TENM3: variants seen among roughly 807,000 people sequenced by gnomAD.
The protein encoded by TENM3 is teneurin transmembrane protein 3, also known as teneurin-3.
In TENM3, 63 loss-of-function variants were observed where a neutral mutation model predicts 255.1. That is an observed-to-expected ratio of 0.25 (90% confidence interval 0.20 to 0.30). The LOEUF (loss-of-function observed/expected upper bound fraction) is 0.30, where lower values mean the gene tolerates loss of function less well. Ranked by LOEUF, TENM3 falls within the 10% of genes least tolerant of loss-of-function variation. The pLI, the probability that TENM3 is intolerant of heterozygous loss-of-function variation, is 1.00. For missense variants in TENM3, 2,929 were observed against 3,461.1 expected, an observed-to-expected ratio of 0.85 and a Z score of 3.86; for synonymous variants, 1,306 against 1,322.3, an observed-to-expected ratio of 0.99 and a Z score of 0.27.
chr4:181,987,031 T>C, the TENM3 span, among the ~76,000 whole-genome samples: 3 of 152,078 alleles, frequency 2.0e-5, no homozygotes, highest in Non-Finnish European at 1.5e-5. Flanking sequence ...TATATCTTCC[T>C]TGAAGTAAGT....
chr4:182,653,707 T>A (rs1753522150), intron 5 of TENM3, 64 bp from the exon 6 acceptor site: 17 of 1,514,482 alleles, frequency 1.1e-5, no homozygotes, highest in Non-Finnish European at 1.5e-5. Flanking sequence ...TTAAACATGC[T>A]TAGCAATTGC....
chr4:182,655,878 T>C (rs1028578536), intron 6 of TENM3, among the ~76,000 whole-genome samples: 1 of 152,230 alleles, frequency 6.6e-6, no homozygotes, highest in African/African-American at 2.4e-5. Flanking sequence ...AAATAATATT[T>C]ATCCTTGCCT....
chr4:182,271,356 T>C (rs1759608974), intron 1 of TENM3, among the ~76,000 whole-genome samples: 1 of 152,122 alleles, frequency 6.6e-6, no homozygotes, highest in African/African-American at 2.4e-5. Context: ...TGGTTCAGGG[T>C]CAGAAGAATT....
the TENM3 span, among the ~76,000 whole-genome samples, chr4:181,687,698 C>T: frequency 6.6e-6 from 1 of 152,090 alleles, no homozygotes; most frequent in Non-Finnish European, 1.5e-5. Context: ...ATCAGAAATT[C>T]CCATGAAGCC....
the TENM3 span, among the ~76,000 whole-genome samples, chr4:182,113,092 A>G: frequency 1.3e-5 from 2 of 152,222 alleles, no homozygotes; most frequent in Non-Finnish European, 2.9e-5. Context: ...TTATACTTAT[A>G]AAAAGCTGGC....
At chr4:181,479,141 A>G in the TENM3 span, among the ~76,000 whole-genome samples, 1 of 152,202 alleles carries the variant, frequency 6.6e-6, no homozygotes, top group African/African-American at 2.4e-5. Flanking sequence ...ATTGAGGAAA[A>G]TATTCCCAAT....
In TENM3 at chr4:182,496,728, C is replaced by T. The variant is rs564076169; in HGVS notation, c.512-104196C>T. On this transcript the variant is annotated intron_variant, in intron 3 of 27. Transcript: ENST00000511685. The stretch of plus-strand genomic sequence containing the variant: ...GTAACTACTTATTTCCATAGAACAG[C>T]TCCTGCTGAGTGTGCTTTACGATTT... Among the ~76,000 whole-genome samples the T allele has an allele frequency of 1.1e-3, 171 of 152,304 alleles. 2 individuals are homozygous for T. Among genetic ancestry groups the T allele is most frequent in the Non-Finnish European group, 1.6e-3 (109 of 68,034 alleles).
chr4:182,417,121 C>T (rs1332991130), intron 3 of TENM3, among the ~76,000 whole-genome samples: 1 of 151,578 alleles, frequency 6.6e-6, no homozygotes, highest in East Asian at 1.9e-4. Flanking sequence ...TTACAGGCGC[C>T]TGCCACCACG....
chr4:181,701,209 C>T, the TENM3 span, among the ~76,000 whole-genome samples: 1 of 152,260 alleles, frequency 6.6e-6, no homozygotes, highest in Non-Finnish European at 1.5e-5. Flanking sequence ...AGGAGACTGG[C>T]ATGACAAAGT....
chr4:181,777,225 T>C, the TENM3 span, among the ~76,000 whole-genome samples: 1 of 152,088 alleles, frequency 6.6e-6, no homozygotes, highest in East Asian at 1.9e-4. Context: ...GCTAGAAGTA[T>C]GTGGGTTTAT....
the TENM3 span, among the ~76,000 whole-genome samples, chr4:182,068,536 T>G: frequency 6.6e-6 from 1 of 152,116 alleles, no homozygotes; most frequent in Non-Finnish European, 1.5e-5. Context: ...TTAAACTGTC[T>G]TAATGCAAAT....
At chr4:181,715,256 G>A in the TENM3 span, among the ~76,000 whole-genome samples, 2 of 152,148 alleles carry the variant, frequency 1.3e-5, no homozygotes, top group African/African-American at 4.8e-5. Flanking sequence ...CCATTGTGAT[G>A]ATATACCAGA....
At chr4:182,503,897 T>A (rs905330800) in intron 3 of TENM3, among the ~76,000 whole-genome samples, 4 of 152,206 alleles carry the variant, frequency 2.6e-5, no homozygotes, top group African/African-American at 9.6e-5. Flanking sequence ...TGTGATGCCC[T>A]CCCTAATTCC....
chr4:181,566,817 C>T, the TENM3 span, among the ~76,000 whole-genome samples: 3 of 152,188 alleles, frequency 2.0e-5, no homozygotes, highest in Non-Finnish European at 4.4e-5. Flanking sequence ...AATTTCTGTG[C>T]TTTACTCAAA....
the TENM3 span, among the ~76,000 whole-genome samples, chr4:182,030,353 A>G: frequency 5.9e-5 from 9 of 151,788 alleles, no homozygotes; most frequent in East Asian, 1.6e-3. Flanking sequence ...CTGTCCCTGC[A>G]TTAGTTTGCT....
the TENM3 span, among the ~76,000 whole-genome samples, chr4:182,125,578 A>G: frequency 6.6e-6 from 1 of 152,198 alleles, no homozygotes; most frequent in African/African-American, 2.4e-5. Context: ...TTTCTGTGGA[A>G]TGGTGATGAT....
intron 3 of TENM3, among the ~76,000 whole-genome samples, chr4:182,543,979 G>A (rs1741163203): frequency 6.6e-6 from 1 of 152,058 alleles, no homozygotes; most frequent in Admixed American, 6.5e-5. Flanking sequence ...AGAATATTGT[G>A]TAGTACCTTT....
the TENM3 span, among the ~76,000 whole-genome samples, chr4:181,873,519 G>C: frequency 1.3e-5 from 2 of 151,976 alleles, no homozygotes; most frequent in African/African-American, 4.8e-5. Flanking sequence ...GCATCATTTA[G>C]AGGCATGTTG....
At chr4:182,498,392 G>A (rs1212981943) in intron 3 of TENM3, among the ~76,000 whole-genome samples, 1 of 152,054 alleles carries the variant, frequency 6.6e-6, no homozygotes. Flanking sequence ...GTACATTGTG[G>A]AATATTTATG....
Sources: allele counts gnomAD v4.1 joint callset (sites outside exome capture counted in the v4.1 genomes callset), GRCh38; gene constraint gnomAD v4.1.1; transcripts MANE v1.5; gene names NCBI Gene and HGNC (gene_info 2026-07-23, HGNC 2026-07-21).